SLC33A2: variants seen among roughly 807,000 people sequenced by gnomAD.
SLC33A2 encodes major facilitator superfamily domain containing 3.
the SLC33A2 span, chr8:144,510,980 A>AC: frequency 7.5e-6 from 12 of 1,599,220 alleles, no homozygotes; most frequent in East Asian, 1.8e-4. Flanking sequence ...CGTGACCCCC[A>AC]CCCCCCTCAG....
At chr8:144,509,576 T>C in the SLC33A2 span, 4 of 1,528,138 alleles carry the variant, frequency 2.6e-6, no homozygotes, top group Non-Finnish European at 3.5e-6. Context: ...GCCTGGTGTG[T>C]GGGCTGCTTG....
At chr8:144,510,347 C>T in the SLC33A2 span, 201 of 1,611,202 alleles carry the variant, frequency 1.2e-4, no homozygotes, top group African/African-American at 2.6e-3. Context: ...TCATGCCCCC[C>T]CCACCACCCA....
At chr8:144,510,939 G>C in the SLC33A2 span, 16 of 1,599,886 alleles carry the variant, frequency 1.0e-5, no homozygotes, top group African/African-American at 2.1e-4. Context: ...GAGAGACCAC[G>C]GGGCTGGGGC....
chr8:144,510,577 C>G, the SLC33A2 span: 1 of 1,594,744 alleles, frequency 6.3e-7, no homozygotes, highest in Non-Finnish European at 8.6e-7. Flanking sequence ...TATACTGACC[C>G]ATTTCCCACC....
the SLC33A2 span, chr8:144,509,771 G>A: frequency 1.3e-6 from 2 of 1,558,338 alleles, no homozygotes; most frequent in East Asian, 2.4e-5. Flanking sequence ...ACAAGCTGGG[G>A]GCCGCGCTAG....
chr8:144,509,252 T>C, the SLC33A2 span: 2 of 1,359,370 alleles, frequency 1.5e-6, no homozygotes, highest in Non-Finnish European at 9.6e-7. Context: ...GTGTGGCCTC[T>C]GACCCCACGC....
At chr8:144,509,276 C>G in the SLC33A2 span, 1 of 1,412,608 alleles carries the variant, frequency 7.1e-7, no homozygotes, top group Non-Finnish European at 9.2e-7. Context: ...GGGGACCTCG[C>G]CTTGCGGGAC....
chr8:144,510,001 T>C, the SLC33A2 span: 1 of 1,595,636 alleles, frequency 6.3e-7, no homozygotes, highest in Non-Finnish European at 8.5e-7. Context: ...GGCTTTGTGC[T>C]CACCTACAAG....
chr8:144,509,832 TTTC>T, the SLC33A2 span: 1 of 1,538,304 alleles, frequency 6.5e-7, no homozygotes, highest in East Asian at 2.4e-5. Flanking sequence ...GCCGCAACTC[TTTC>T]TGCTCCTGGC....
chr8:144,509,973 G>A, the SLC33A2 span: 1 of 1,596,264 alleles, frequency 6.3e-7, no homozygotes, highest in South Asian at 1.1e-5. Flanking sequence ...AGCCGTGCCG[G>A]GGACCGTGTG....
the SLC33A2 span, chr8:144,509,567 C>T: frequency 6.6e-7 from 1 of 1,523,894 alleles, no homozygotes; most frequent in Non-Finnish European, 8.8e-7. Flanking sequence ...CGGGCCTGGG[C>T]CTGGTGTGTG....
the SLC33A2 span, chr8:144,510,901 C>A: frequency 6.2e-7 from 1 of 1,604,888 alleles, no homozygotes; most frequent in East Asian, 2.2e-5. Context: ...CAGGGCCCTG[C>A]AGGTGAGTAG....
At chr8:144,509,085 A>AGCCGCCGGCC in the SLC33A2 span, 6 of 427,930 alleles carry the variant, frequency 1.4e-5, no homozygotes, top group Non-Finnish European at 2.5e-5. Context: ...GCATGCCGGG[A>AGCCGCCGGCC]GCCGCCGGCC....
At chr8:144,509,664 G>T in the SLC33A2 span, 2 of 1,553,182 alleles carry the variant, frequency 1.3e-6, no homozygotes, top group African/African-American at 2.7e-5. Context: ...GTTGAACCTG[G>T]GTGCCGCCAT....
the SLC33A2 span, chr8:144,510,007 A>G: frequency 1.9e-6 from 3 of 1,594,794 alleles, no homozygotes; most frequent in East Asian, 4.5e-5. Context: ...GTGCTCACCT[A>G]CAAGCTGGGT....
chr8:144,509,752 T>C, the SLC33A2 span: 1 of 1,565,592 alleles, frequency 6.4e-7, no homozygotes, highest in Non-Finnish European at 8.6e-7. Flanking sequence ...ACCGTGCAGG[T>C]GGTCGCGTAC....
chr8:144,510,450 C>A, the SLC33A2 span: 1 of 1,612,906 alleles, frequency 6.2e-7, no homozygotes, highest in Non-Finnish European at 8.5e-7. Flanking sequence ...GGTGTGGGTG[C>A]TGTGGTCTGC....
At chr8:144,509,661 C>A in the SLC33A2 span, 23 of 1,552,034 alleles carry the variant, frequency 1.5e-5, no homozygotes, top group East Asian at 3.6e-4. Flanking sequence ...GTTGTTGAAC[C>A]TGGGTGCCGC....
the SLC33A2 span, chr8:144,510,354 C>G: frequency 6.2e-7 from 1 of 1,611,714 alleles, no homozygotes; most frequent in East Asian, 2.2e-5. Flanking sequence ...CCCCCCACCA[C>G]CCAAGGTGAG....
Sources: gnomAD v4.1 joint callset for allele counts on GRCh38, gnomAD v4.1.1 for gene constraint, MANE v1.5 for transcripts, NCBI Gene and HGNC (gene_info 2026-07-23, HGNC 2026-07-21) for gene names.